The following CHAF1B variants were observed in gnomAD, a reference collection of about 807,000 sequenced individuals.
The protein encoded by CHAF1B is CAF-1 subunit B.
In CHAF1B, 10 loss-of-function variants were observed where a neutral mutation model predicts 60.7. That is an observed-to-expected ratio of 0.16 (90% CI 0.10 to 0.28). The LOEUF (loss-of-function observed/expected upper bound fraction) is 0.28, where lower values mean the gene tolerates loss of function less well. Among genes scored for constraint, CHAF1B ranks in the 10% least tolerant of loss-of-function variants. CHAF1B has a pLI of 1.00. For missense variants in CHAF1B, 558 were observed against 708.4 expected (o/e 0.79, Z 2.41); for synonymous variants, 261 against 266.1 (o/e 0.98, Z 0.19).
At position 36,415,286 on chromosome 21, in the gene CHAF1B, T is replaced by TA; in HGVS notation, c.1494-6dup. On this transcript the variant is annotated splice_polypyrimidine_tract_variant and intron_variant, in intron 12 of 13. Transcript: ENST00000314103. ...CATCACCCCTCTACTTTTTTTTTTT[T>TA]AAATCAAGGAGAATAAACTTAACAC... 6.5e-7 allele frequency: 1 copy of TA among 1,541,692 alleles called. No individual in the cohort carries two copies. The highest frequency in any genetic ancestry group is 8.9e-7 in the Non-Finnish European group (1 of 1,118,180).
intron 11 of CHAF1B, among the ~76,000 whole-genome samples, chr21:36,412,269 C>T (rs1484797279): frequency 2.0e-5 from 3 of 152,166 alleles, no homozygotes; most frequent in Non-Finnish European, 4.4e-5. Context: ...CAGGGAAGTG[C>T]CCCAAGCTGG....
At position 36,399,558 on chromosome 21, in the gene CHAF1B, G is replaced by T. The variant is rs759798573; in HGVS notation, c.616G>T (p.Ala206Ser). The change falls in exon 7 of 14, where the codon GCT (alanine) becomes TCT (serine). Residue 206 changes from alanine to serine, a missense_variant. Physicochemically the swap from Ala to Ser is moderately conservative, Grantham distance 99. Around this residue, in one of 2 missense-constraint regions of CHAF1B, gnomAD observed 325 missense variants for 493.5 expected, o/e 0.66. Coordinates refer to ENST00000314103, the MANE Select transcript of CHAF1B (RefSeq NM_005441.3). ...RVYSIQKKRVAFNVSKMLSGI... is the reference protein window; with the variant it reads ...RVYSIQKKRVSFNVSKMLSGI... ...ATACAGTATACAGAAGAAGCGTGTGGCTTTCAATGTTTCGAAGATGCTGTC... is the reference window on the plus strand; with the variant it reads ...ATACAGTATACAGAAGAAGCGTGTGTCTTTCAATGTTTCGAAGATGCTGTC... The T allele has an allele frequency of 1.9e-6, 3 of 1,614,028 alleles. No individual in the cohort carries two copies. The highest frequency in any genetic ancestry group is 2.7e-5 in the African/African-American group (2 of 74,918).
intron 5 of CHAF1B, among the ~76,000 whole-genome samples, chr21:36,395,534 A>C (rs2086130848): frequency 6.6e-6 from 1 of 152,208 alleles, no homozygotes; most frequent in Non-Finnish European, 1.5e-5. Context: ...CCAGCAGATA[A>C]GATGACAGGC....
intron 5 of CHAF1B, among the ~76,000 whole-genome samples, chr21:36,395,555 C>T (rs934838505): frequency 2.0e-5 from 3 of 152,062 alleles, no homozygotes; most frequent in African/African-American, 7.2e-5. Context: ...CCGGGCCCTG[C>T]CTTTATGGAG....
At chr21:36,397,557 T>C in intron 6 of CHAF1B, 46 bp downstream of exon 6, 1 of 1,051,216 alleles carries the variant, frequency 9.5e-7, no homozygotes, top group South Asian at 1.7e-5. Context: ...TGTATTTACT[T>C]GGAATTTTCT....
intron 2 of CHAF1B, among the ~76,000 whole-genome samples, chr21:36,387,219 G>GTTTTTT (rs1471540790): frequency 0.013 from 1,896 of 140,944 alleles, 27 homozygotes; most frequent in Admixed American, 0.024. Context: ...AATAAGCATA[G>GTTTTTT]TTTTGTTTTT....
At chr21:36,411,047 T>C (rs1202157777) in intron 10 of CHAF1B, among the ~76,000 whole-genome samples, 4 of 152,108 alleles carry the variant, frequency 2.6e-5, no homozygotes, top group African/African-American at 9.7e-5. Flanking sequence ...CTGGTACTTT[T>C]TGATTAGATA....
At position 36,391,593 on chromosome 21, in the gene CHAF1B, C is replaced by T. The variant is rs746025510; in HGVS notation, c.302C>T (p.Pro101Leu). 14 of 1,613,300 alleles carry T rather than the reference C, an allele frequency of 8.7e-6. No homozygotes were observed. The highest frequency in any genetic ancestry group is 2.2e-5 in the East Asian group (1 of 44,858). Residue 101 changes from proline (P) to leucine (L), a missense_variant, in exon 4 of 14, where the codon CCG (proline) becomes CTG (leucine). Coordinates refer to ENST00000314103, the MANE Select transcript of CHAF1B (RefSeq NM_005441.3). ...LLWKVNDNKE[P>L]EQIAFQDEDE... ...TGGAAGGTGAATGATAACAAGGAGC[C>T]GGAGCAGATCGCTTTTCAGGATGAG...
At chr21:36,394,512 T>A in intron 4 of CHAF1B, 35 bp from the exon 5 acceptor site, 1 of 1,433,956 alleles carries the variant, frequency 7.0e-7, no homozygotes. Flanking sequence ...ACCTGGGGAG[T>A]AATTGCTTTT....
At chr21:36,406,588 C>CTT (rs932107360) in intron 8 of CHAF1B, among the ~76,000 whole-genome samples, 1 of 148,092 alleles carries the variant, frequency 6.8e-6, no homozygotes, top group Non-Finnish European at 1.5e-5. Context: ...ACCTGGCCTC[C>CTT]TTTTTTTTTT....
chr21:36,416,253 C>T (rs766736644), intron 13 of CHAF1B, 22 bp from the exon 14 acceptor site: 3 of 1,598,448 alleles, frequency 1.9e-6, no homozygotes, highest in Non-Finnish European at 2.6e-6. Context: ...ACTTGCCAAC[C>T]TTATGTTTGT....
intron 13 of CHAF1B, 91 bp downstream of exon 13, chr21:36,415,480 C>T: frequency 1.1e-6 from 1 of 914,174 alleles, no homozygotes; most frequent in Non-Finnish European, 1.8e-6. Flanking sequence ...AATTTTAAGT[C>T]AGTTCTGAGA....
chr21:36,412,450 C>A (rs2086285489), intron 11 of CHAF1B, among the ~76,000 whole-genome samples: 1 of 152,030 alleles, frequency 6.6e-6, no homozygotes, highest in Admixed American at 6.6e-5. Flanking sequence ...ACCTCCGCCT[C>A]CTGGGTTCAA....
intron 13 of CHAF1B, 80 bp from the exon 14 acceptor site, chr21:36,416,195 C>A: frequency 8.1e-7 from 1 of 1,232,802 alleles, no homozygotes; most frequent in Non-Finnish European, 1.2e-6. Context: ...CGTGTCTTGG[C>A]TCTGTATTCT....
intron 11 of CHAF1B, chr21:36,412,656 C>T: frequency 1.9e-6 from 1 of 524,598 alleles, no homozygotes; most frequent in Non-Finnish European, 3.4e-6. Context: ...GCCACCGCAC[C>T]CGGCCTATTC....
rs1000101407 is a variant in CHAF1B, at chr21:36,393,472, A to G, written c.378-1075A>G. Among the ~76,000 whole-genome samples, 451 of 85,422 alleles carry G rather than the reference A, an allele frequency of 5.3e-3. 10 individuals carry two copies. The highest frequency in any genetic ancestry group is 0.052 in the Admixed American group (383 of 7,342). 56.0% of individuals were successfully genotyped at this position (85,422 alleles called of 152,430 possible). Reference sequence around the variant, plus strand: ...TTTTTTTTTTTTTTTTTTTTTTTAGATGGAGTTTTGCTCTTGTTGCCCAGG... The same window carrying G: ...TTTTTTTTTTTTTTTTTTTTTTTAGGTGGAGTTTTGCTCTTGTTGCCCAGG... On this transcript the variant is annotated intron_variant, in intron 4 of 13. Transcript: ENST00000314103.
chr21:36,416,116 C>T lies in CHAF1B; in HGVS notation c.1589-159C>T, dbSNP rs142917506. Among the ~76,000 whole-genome samples the T allele has an allele frequency of 5.4e-3, 821 of 152,282 alleles. 5 individuals carry two copies. The highest frequency in any genetic ancestry group is 0.014 in the Middle Eastern group (4 of 294). ...ACTGTCCCTTGAGAGGCAAAATCGCCCCTGGTTGAGAGCCACTCTATAGAA... is the reference window on the plus strand; with the variant it reads ...ACTGTCCCTTGAGAGGCAAAATCGCTCCTGGTTGAGAGCCACTCTATAGAA... On this transcript the variant is annotated intron_variant, in intron 13 of 13. Transcript: ENST00000314103.
intron 7 of CHAF1B, among the ~76,000 whole-genome samples, chr21:36,400,937 G>A (rs980903191): frequency 1.2e-4 from 18 of 152,138 alleles, no homozygotes; most frequent in African/African-American, 4.1e-4. Flanking sequence ...TGGGCTGGGC[G>A]CTGACAGGCA....
intron 3 of CHAF1B, among the ~76,000 whole-genome samples, chr21:36,389,859 G>A (rs1240269964): frequency 6.6e-6 from 1 of 151,410 alleles, no homozygotes; most frequent in African/African-American, 2.4e-5. Flanking sequence ...ACCTGGGGGT[G>A]GCTACCTGCT....
Sources: allele counts gnomAD v4.1 joint callset (sites outside exome capture counted in the v4.1 genomes callset), GRCh38; gene constraint gnomAD v4.1.1; regional missense constraint gnomAD v4.1.1; transcripts MANE v1.5; gene names NCBI Gene and HGNC (gene_info 2026-07-23, HGNC 2026-07-21).